The following PSMD1 variants were observed in gnomAD, a reference collection of about 807,000 sequenced individuals.
PSMD1 encodes 26S proteasome non-ATPase regulatory subunit 1.
A neutral mutation model predicts 119.0 loss-of-function variants in PSMD1; 18 were observed. The observed-to-expected ratio is 0.15, with a 90% CI of 0.10 to 0.22. The LOEUF is 0.22. Ranked by LOEUF, PSMD1 falls within the 10% of genes least tolerant of loss-of-function variation. The pLI is 1.00. For missense variants in PSMD1, 702 were observed against 1,158.5 expected, an observed-to-expected ratio of 0.61 and a Z score of 5.72; for synonymous variants, 374 against 396.6, an observed-to-expected ratio of 0.94 and a Z score of 0.68.
At chr2:231,146,784 G>A (rs554795317) in intron 18 of PSMD1, among the ~76,000 whole-genome samples, 17 of 152,180 alleles carry the variant, frequency 1.1e-4, no homozygotes, top group Admixed American at 9.2e-4. Context: ...ACTTTGTATC[G>A]TACATACCAT....
At chr2:231,107,943 T>C (rs1695015641) in intron 16 of PSMD1, among the ~76,000 whole-genome samples, 1 of 152,250 alleles carries the variant, frequency 6.6e-6, no homozygotes, top group African/African-American at 2.4e-5. Flanking sequence ...TTTTGTGTGA[T>C]ATCCAGCTAC....
At chr2:231,103,548 T>C (rs1036915998) in intron 16 of PSMD1, among the ~76,000 whole-genome samples, 6 of 152,240 alleles carry the variant, frequency 3.9e-5, no homozygotes, top group African/African-American at 1.4e-4. Context: ...CTCCACACTT[T>C]GAACTTCTTG....
chr2:231,068,463 A>C (rs370641684), intron 5 of PSMD1, among the ~76,000 whole-genome samples: 3 of 151,952 alleles, frequency 2.0e-5, no homozygotes. Flanking sequence ...TAGGCATTGG[A>C]GATGTGCATT....
At chr2:231,086,278 A>G (rs1694438042) in intron 15 of PSMD1, among the ~76,000 whole-genome samples, 2 of 152,174 alleles carry the variant, frequency 1.3e-5, no homozygotes, top group African/African-American at 4.8e-5. Flanking sequence ...TCCTGGGCTC[A>G]AGCAATCCTC....
At chr2:231,111,000 G>A (rs1296878967) in intron 16 of PSMD1, among the ~76,000 whole-genome samples, 2 of 152,114 alleles carry the variant, frequency 1.3e-5, no homozygotes, top group African/African-American at 4.8e-5. Context: ...GCCTTTTGAA[G>A]TTTATTTTAT....
At chr2:231,085,194 C>A in intron 15 of PSMD1, 80 bp downstream of exon 15, 1 of 1,169,166 alleles carries the variant, frequency 8.6e-7, no homozygotes, top group Non-Finnish European at 1.3e-6. Flanking sequence ...GTGACTCCAG[C>A]ATCCACAGCG....
chr2:231,126,127 G>T lies in PSMD1; in HGVS notation c.1884-12609G>T, dbSNP rs573890940. 7.7e-4 allele frequency among the ~76,000 whole-genome samples: 117 copies of T among 152,276 alleles called. 1 individual carries two copies. Among genetic ancestry groups the T allele is most frequent in the African/African-American group, 2.6e-3 (110 of 41,554 alleles). On this transcript the variant is annotated intron_variant, in intron 16 of 24. Coordinates refer to ENST00000308696, the MANE Select transcript of PSMD1 (RefSeq NM_002807.4). ...GAATATGAAAATATTTTAAGGCAAG[G>T]TGCGGTGGCTCATTCCTGTAATTCC...
intron 7 of PSMD1, among the ~76,000 whole-genome samples, chr2:231,073,112 G>A (rs1368719205): frequency 6.6e-6 from 1 of 152,102 alleles, no homozygotes; most frequent in Non-Finnish European, 1.5e-5. Flanking sequence ...GGAGAGAGAT[G>A]GGGGAATGAC....
intron 1 of PSMD1, among the ~76,000 whole-genome samples, chr2:231,057,638 T>G (rs1413255523): frequency 6.6e-6 from 1 of 152,236 alleles, no homozygotes; most frequent in African/African-American, 2.4e-5. Flanking sequence ...GGAGATACCT[T>G]TATACTGAGA....
intron 16 of PSMD1, among the ~76,000 whole-genome samples, chr2:231,101,162 A>T (rs1694856790): frequency 6.6e-6 from 1 of 152,194 alleles, no homozygotes; most frequent in African/African-American, 2.4e-5. Flanking sequence ...TGGGTAATTA[A>T]CATTGTTCAC....
In PSMD1 at chr2:231,157,043, A is replaced by C. The variant is rs370609177; in HGVS notation, c.2218+3377A>C. On this transcript the variant is annotated intron_variant, in intron 19 of 24. Coordinates refer to ENST00000308696, the MANE Select transcript of PSMD1 (RefSeq NM_002807.4). ...TCTTTTGGTGGTGAGTATTTAAAACAACATTTAGGGATAACATTTTACTGC... is the reference window on the plus strand; with the variant it reads ...TCTTTTGGTGGTGAGTATTTAAAACCACATTTAGGGATAACATTTTACTGC... 1.9e-4 allele frequency among the ~76,000 whole-genome samples: 29 copies of C among 152,256 alleles called. No individual in the cohort carries two copies. In the South Asian group the frequency reaches 5.6e-3, roughly 29 times the overall value.
Position 231,170,828 on chromosome 2 carries a change from T to C in PSMD1, c.*9+107T>C. The stretch of plus-strand genomic sequence containing the variant: ...TTTTCCTTCCTTTTGTGTTTAATCC[T>C]TATTTACCTAAACAGTATTAAAACT... On this transcript the variant is annotated intron_variant, in intron 24 of 24. Transcript: ENST00000308696. This position sits in a 1 kb window ranked among gnomAD's most constrained non-coding sequence, Gnocchi z 4.1. 1 of 1,219,366 alleles carries C rather than the reference T, an allele frequency of 8.2e-7. No homozygotes were observed. The highest frequency in any genetic ancestry group is 1.7e-5 in the South Asian group (1 of 59,772). 75.5% of individuals were successfully genotyped at this position (1,219,366 alleles called of 1,614,324 possible). A position where few individuals can be genotyped will look rare whatever the true frequency, so the allele number is the denominator to read the frequency against.
chr2:231,117,462 A>T (rs893961752), intron 16 of PSMD1, among the ~76,000 whole-genome samples: 4 of 152,124 alleles, frequency 2.6e-5, no homozygotes, highest in African/African-American at 9.6e-5. Context: ...AAAATTAAGA[A>T]AGAATAATAG....
chr2:231,141,242 A>G (rs1696101614), intron 17 of PSMD1, among the ~76,000 whole-genome samples: 1 of 151,520 alleles, frequency 6.6e-6, no homozygotes, highest in African/African-American at 2.4e-5. Context: ...CAGAGGTTGC[A>G]GTGAGTGGAG....
At chr2:231,090,204 A>G (rs1417769505) in intron 16 of PSMD1, among the ~76,000 whole-genome samples, 8 of 152,128 alleles carry the variant, frequency 5.3e-5, no homozygotes, top group Admixed American at 5.2e-4. Flanking sequence ...TCGAGGAGTA[A>G]TTTTTTACTT....
intron 2 of PSMD1, 136 bp from the exon 3 acceptor site, chr2:231,062,112 A>G: frequency 3.4e-6 from 2 of 590,102 alleles, no homozygotes; most frequent in East Asian, 5.6e-5. Flanking sequence ...AAGTTGGTAA[A>G]TTTTTATATT....
chr2:231,107,842 T>A (rs2125201255), intron 16 of PSMD1, among the ~76,000 whole-genome samples: 1 of 152,332 alleles, frequency 6.6e-6, no homozygotes, highest in South Asian at 2.1e-4. Context: ...TTTTATTTGC[T>A]TTTTCCTCCT....
At chr2:231,153,421 TTCAAGTCTGG>T (rs1696414117) in intron 18 of PSMD1, 133 bp from the exon 19 acceptor site, 1 of 639,858 alleles carries the variant, frequency 1.6e-6, no homozygotes, top group South Asian at 1.9e-5. Context: ...CTGCTCTGCC[TTCAAGTCTGG>T]TCCATATCCC....
At chr2:231,121,135 T>C (rs1340028211) in intron 16 of PSMD1, among the ~76,000 whole-genome samples, 1 of 152,222 alleles carries the variant, frequency 6.6e-6, no homozygotes, top group African/African-American at 2.4e-5. Context: ...AGTTCACAGA[T>C]TTGTTCATTT....
Sources: allele counts gnomAD v4.1 joint callset (sites outside exome capture counted in the v4.1 genomes callset), GRCh38; gene constraint gnomAD v4.1.1; non-coding constraint Gnocchi (gnomAD v3.1); transcripts MANE v1.5; gene names NCBI Gene and HGNC (gene_info 2026-07-23, HGNC 2026-07-21).